Variants in TMEM132D observed in about 807,000 individuals in gnomAD.
TMEM132D encodes transmembrane protein 132D, also known as mature OL transmembrane protein.
TMEM132D carries 21 observed loss-of-function variants against 62.3 expected under a neutral mutation model. The ratio of observed to expected loss-of-function variants is 0.34; its 90% CI spans 0.24 to 0.49. TMEM132D has a LOEUF of 0.49. Ranked by LOEUF, TMEM132D falls within the 20% of genes least tolerant of loss-of-function variation. The pLI is 0.99. For synonymous variants in TMEM132D, 621 were observed against 575.6 expected, an observed-to-expected ratio of 1.08 and a Z score of -1.13; for missense variants, 1,346 against 1,402.8, an observed-to-expected ratio of 0.96 and a Z score of 0.65.
intron 2 of TMEM132D, among the ~76,000 whole-genome samples, chr12:129,607,355 C>T (rs769533757): frequency 4.6e-5 from 7 of 152,188 alleles, no homozygotes; most frequent in Non-Finnish European, 8.8e-5. Flanking sequence ...GCACAGAGTA[C>T]TGCTAACTGG....
chr12:129,604,274 C>G (rs762319778), intron 2 of TMEM132D, among the ~76,000 whole-genome samples: 1 of 152,082 alleles, frequency 6.6e-6, no homozygotes, highest in Non-Finnish European at 1.5e-5. Context: ...CCATGGCAGA[C>G]GTATACCTGT....
intron 5 of TMEM132D, among the ~76,000 whole-genome samples, chr12:129,153,146 C>T (rs573737513): frequency 5.8e-4 from 88 of 152,286 alleles, no homozygotes; most frequent in African/African-American, 2.0e-3. Context: ...TCCCAACCCT[C>T]GAGTCCTTTG....
chr12:129,732,035 G>A lies in TMEM132D; in HGVS notation c.80-31337C>T, dbSNP rs371887449. Among the ~76,000 whole-genome samples the A allele has an allele frequency of 2.0e-3, 310 of 152,224 alleles. 1 individual carries two copies. The highest frequency in any genetic ancestry group is 7.2e-3 in the African/African-American group (301 of 41,528). The stretch of plus-strand genomic sequence containing the variant: ...ATGGGTTTTCAGATGCTACCATCGA[G>A]TGTAGGCCGGCCTTAGTGGCTTGCT... On this transcript the variant is annotated intron_variant, in intron 1 of 8. Coordinates refer to ENST00000422113, the MANE Select transcript of TMEM132D (RefSeq NM_133448.3).
chr12:129,191,521 A>G (rs1878401492), intron 5 of TMEM132D, among the ~76,000 whole-genome samples: 1 of 151,746 alleles, frequency 6.6e-6, no homozygotes, highest in Non-Finnish European at 1.5e-5. Context: ...ATAGCTATAT[A>G]TAGGTTATAT....
intron 3 of TMEM132D, among the ~76,000 whole-genome samples, chr12:129,350,303 G>A (rs1419061608): frequency 6.6e-6 from 1 of 152,160 alleles, no homozygotes; most frequent in East Asian, 1.9e-4. Context: ...TAAATACTTG[G>A]AAGGAAAGAT....
intron 3 of TMEM132D, among the ~76,000 whole-genome samples, chr12:129,429,108 TCAA>T (rs1872577749): frequency 3.5e-5 from 3 of 85,360 alleles, no homozygotes; most frequent in African/African-American, 3.0e-5. Flanking sequence ...CCAAAGTCCT[TCAA>T]GTTACTCACT....
intron 5 of TMEM132D, among the ~76,000 whole-genome samples, chr12:129,176,332 C>T (rs1593286151): frequency 6.6e-6 from 1 of 152,198 alleles, no homozygotes; most frequent in African/African-American, 2.4e-5. Context: ...ATTCCCACAA[C>T]AAATTTACAT....
At chr12:129,106,176 C>A (rs1295419858) in intron 5 of TMEM132D, among the ~76,000 whole-genome samples, 2 of 150,040 alleles carry the variant, frequency 1.3e-5, no homozygotes, top group Admixed American at 1.3e-4. Flanking sequence ...AACAAAAAAC[C>A]AAACACCGCA....
intron 2 of TMEM132D, among the ~76,000 whole-genome samples, chr12:129,663,006 C>A (rs1880280566): frequency 6.6e-6 from 1 of 152,142 alleles, no homozygotes. Context: ...TTCCAGCTCC[C>A]TGCTACACTA....
In TMEM132D at chr12:129,765,326, A is replaced by C. The variant is rs957504440; in HGVS notation, c.80-64628T>G. Among the ~76,000 whole-genome samples, 3 of 152,216 alleles carry C rather than the reference A, an allele frequency of 2.0e-5. No homozygotes were observed. The East Asian group carries it at 5.8e-4, about 29-fold the overall frequency. ...TCATGCCTGTAATCCCAGAACTTTG[A>C]GAGGCCAAGGGAGGCAGATCACCTG... On this transcript the variant is annotated intron_variant, in intron 1 of 8. Coordinates refer to ENST00000422113, the MANE Select transcript of TMEM132D (RefSeq NM_133448.3).
At chr12:129,351,604 C>G (rs937137961) in intron 3 of TMEM132D, among the ~76,000 whole-genome samples, 2 of 152,218 alleles carry the variant, frequency 1.3e-5, no homozygotes, top group Non-Finnish European at 2.9e-5. Context: ...TTTAGACACT[C>G]ACATCTCTGC....
chr12:129,142,528 G>A (rs531154982), intron 5 of TMEM132D, among the ~76,000 whole-genome samples: 23 of 152,192 alleles, frequency 1.5e-4, no homozygotes, highest in Non-Finnish European at 5.9e-5. Flanking sequence ...GTAGACTTGT[G>A]ATTCTAATTA....
intron 5 of TMEM132D, among the ~76,000 whole-genome samples, chr12:129,120,173 G>C (rs1453247427): frequency 1.3e-5 from 2 of 152,168 alleles, no homozygotes; most frequent in Non-Finnish European, 2.9e-5. Flanking sequence ...AGGGTGTTTT[G>C]TGCATGAGAG....
chr12:129,886,038 T>C (rs1244159501), intron 1 of TMEM132D, among the ~76,000 whole-genome samples: 2 of 152,302 alleles, frequency 1.3e-5, no homozygotes, highest in East Asian at 1.9e-4. Flanking sequence ...TTTTAAAGTT[T>C]CTCCTCACTG....
intron 1 of TMEM132D, among the ~76,000 whole-genome samples, chr12:129,817,806 G>T (rs1872400191): frequency 7.0e-6 from 1 of 143,318 alleles, no homozygotes; most frequent in Non-Finnish European, 1.5e-5. Flanking sequence ...GTGTGTGGGG[G>T]GGTCTGTGTG....
chr12:129,865,786 T>A (rs755701877), intron 1 of TMEM132D, among the ~76,000 whole-genome samples: 2 of 152,144 alleles, frequency 1.3e-5, no homozygotes, highest in Non-Finnish European at 2.9e-5. Context: ...TGCAGTCCCA[T>A]GATGGAGGTA....
intron 2 of TMEM132D, among the ~76,000 whole-genome samples, chr12:129,647,815 T>C: frequency 6.6e-6 from 1 of 152,150 alleles, no homozygotes; most frequent in African/African-American, 2.4e-5. Context: ...TGGGTAATAA[T>C]TTTTGTCGTT....
intron 5 of TMEM132D, among the ~76,000 whole-genome samples, chr12:129,182,761 A>G (rs1173266137): frequency 6.6e-6 from 1 of 152,238 alleles, no homozygotes; most frequent in African/African-American, 2.4e-5. Context: ...TTGACACATA[A>G]AATTAACTAA....
intron 5 of TMEM132D, among the ~76,000 whole-genome samples, chr12:129,120,302 A>G (rs902741008): frequency 6.6e-6 from 1 of 152,204 alleles, no homozygotes; most frequent in Admixed American, 6.5e-5. Flanking sequence ...AAAGTCTGAG[A>G]AGGAACAGGA....
Sources: allele counts gnomAD v4.1 joint callset (sites outside exome capture counted in the v4.1 genomes callset), GRCh38; gene constraint gnomAD v4.1.1; transcripts MANE v1.5; gene names NCBI Gene and HGNC (gene_info 2026-07-23, HGNC 2026-07-21).